Variants in BIVM observed in about 807,000 individuals in gnomAD.
BIVM encodes basic, immunoglobulin-like variable motif containing.
In BIVM, 31 loss-of-function variants were observed where a neutral mutation model predicts 61.4. The observed-to-expected ratio is 0.51, with a 90% CI of 0.38 to 0.68. The LOEUF is 0.68. Ranked by LOEUF, BIVM falls within the 30% of genes least tolerant of loss-of-function variation. The pLI is 0.00. For synonymous variants in BIVM, 189 were observed against 210.7 expected, an observed-to-expected ratio of 0.90 and a Z score of 0.89; for missense variants, 526 against 596.0, an observed-to-expected ratio of 0.88 and a Z score of 1.22.
intron 3 of BIVM, among the ~76,000 whole-genome samples, chr13:102,810,400 G>A (rs1176043220): frequency 1.3e-5 from 2 of 152,176 alleles, no homozygotes; most frequent in Non-Finnish European, 2.9e-5. Context: ...GTTTTTGTGT[G>A]TGAACCCACG....
intron 6 of BIVM, 54 bp downstream of exon 6, chr13:102,821,901 A>G (rs1399333710): frequency 1.3e-6 from 2 of 1,576,740 alleles, no homozygotes. Context: ...CAAAATAATA[A>G]TGATGTAGAT....
intron 7 of BIVM, among the ~76,000 whole-genome samples, chr13:102,823,872 CT>C (rs1309685312): frequency 6.6e-6 from 1 of 152,080 alleles, no homozygotes; most frequent in African/African-American, 2.4e-5. Context: ...TCTATTGAAA[CT>C]TTTTCCTCTG....
chr13:102,810,566 C>G (rs1191537053), intron 3 of BIVM, among the ~76,000 whole-genome samples: 2 of 152,240 alleles, frequency 1.3e-5, no homozygotes, highest in African/African-American at 4.8e-5. Context: ...TCCTATACTG[C>G]TTCGTCCACA....
chr13:102,804,092 C>T (rs540716920), intron 1 of BIVM, among the ~76,000 whole-genome samples: 3 of 152,354 alleles, frequency 2.0e-5, no homozygotes, highest in South Asian at 2.1e-4. Flanking sequence ...CCAACTGACC[C>T]TCTTGCAAAC....
At chr13:102,809,045 T>C (rs541834198) in intron 3 of BIVM, among the ~76,000 whole-genome samples, 20 of 152,310 alleles carry the variant, frequency 1.3e-4, no homozygotes, top group African/African-American at 4.1e-4. Flanking sequence ...TTCTGCTCTT[T>C]ATTATTTGCT....
intron 2 of BIVM, among the ~76,000 whole-genome samples, chr13:102,805,594 C>T (rs565004706): frequency 6.6e-6 from 1 of 152,236 alleles, no homozygotes; most frequent in African/African-American, 2.4e-5. Context: ...AGGGTATTTA[C>T]AAGTTGTGTG....
At chr13:102,817,507 C>T (rs1343670478) in intron 4 of BIVM, among the ~76,000 whole-genome samples, 3 of 152,126 alleles carry the variant, frequency 2.0e-5, no homozygotes, top group African/African-American at 7.2e-5. Flanking sequence ...TTGACGAGTT[C>T]TTTCTTTCTC....
chr13:102,822,335 C>A (rs980106003), intron 7 of BIVM, among the ~76,000 whole-genome samples, 176 bp downstream of exon 7: 2 of 152,194 alleles, frequency 1.3e-5, no homozygotes, highest in Admixed American at 1.3e-4. Flanking sequence ...TTTTAATAAG[C>A]AGTTTAATAT....
At chr13:102,826,704 T>C (rs1880696873) in intron 7 of BIVM, among the ~76,000 whole-genome samples, 1 of 152,228 alleles carries the variant, frequency 6.6e-6, no homozygotes, top group African/African-American at 2.4e-5. Context: ...GTCTCATAAT[T>C]CCTTTTACTT....
intron 7 of BIVM, 127 bp downstream of exon 7, chr13:102,822,286 C>T (rs1880346945): frequency 1.2e-6 from 1 of 836,316 alleles, no homozygotes; most frequent in South Asian, 1.9e-5. Context: ...TGTAAACCCT[C>T]AGCACAGTCT....
Position 102,807,303 on chromosome 13 carries a change from T to G in BIVM, c.36T>G (p.Asp12Glu), listed in dbSNP as rs780837796. The G allele has an allele frequency of 6.2e-7, 1 of 1,611,770 alleles. No individual in the cohort carries two copies. The highest frequency in any genetic ancestry group is 8.5e-7 in the Non-Finnish European group (1 of 1,178,074). The change falls in exon 3 of 11, where the codon GAT becomes GAG. Residue 12 changes from aspartate (D) to glutamate (E), a missense_variant. Physicochemically the swap from Asp to Glu is conservative, Grantham distance 45 (BLOSUM62 2). Transcript: ENST00000257336. This position sits in a 1 kb window ranked among gnomAD's most constrained non-coding sequence, Gnocchi z 4.0. ...TTGCAGAAACAGAAAGGTCAAATGATTCTGGAAATGGTGAGCACAAATCTG... is the reference window on the plus strand; with the variant it reads ...TTGCAGAAACAGAAAGGTCAAATGAGTCTGGAAATGGTGAGCACAAATCTG... ...PNVAETERSNDSGNGEHKSER... is the reference protein window; with the variant it reads ...PNVAETERSNESGNGEHKSER...
chr13:102,805,205 C>T (rs2296650), intron 1 of BIVM, 102 bp from the exon 2 acceptor site: 96,886 of 152,106 alleles, frequency 0.64, 34,061 homozygotes, highest in Non-Finnish European at 0.79. Flanking sequence ...TGCTGCGTGT[C>T]CTGGGATGGT....
At chr13:102,830,774 G>T (rs1321354269) in intron 7 of BIVM, among the ~76,000 whole-genome samples, 1 of 152,170 alleles carries the variant, frequency 6.6e-6, no homozygotes, top group African/African-American at 2.4e-5. Flanking sequence ...TGGGTGAAAA[G>T]GAAAAAACTC....
In BIVM at chr13:102,821,848, G is replaced by A. The variant is rs749852024; in HGVS notation, c.806+1G>A. The stretch of plus-strand genomic sequence containing the variant: ...TCACGGGGAATACAACACTTATGAG[G>A]TATGAAGACCCTCTTAGAGGCAATA... On this transcript the variant is annotated splice_donor_variant, in intron 6 of 10. Coordinates refer to ENST00000257336, the MANE Select transcript of BIVM (RefSeq NM_017693.4). LOFTEE classifies it high-confidence loss of function. 1.9e-5 allele frequency: 30 copies of A among 1,611,822 alleles called. No individual in the cohort carries two copies. Among genetic ancestry groups the A allele is most frequent in the Non-Finnish European group, 2.5e-5 (29 of 1,179,358 alleles).
chr13:102,816,965 T>C (rs1879910025), intron 4 of BIVM: 1 of 152,354 alleles, frequency 6.6e-6, no homozygotes, highest in African/African-American at 2.4e-5. Flanking sequence ...AATACTTTTG[T>C]CATACTTAAT....
At chr13:102,822,962 G>A (rs1195443186) in intron 7 of BIVM, among the ~76,000 whole-genome samples, 1 of 152,200 alleles carries the variant, frequency 6.6e-6, no homozygotes, top group Non-Finnish European at 1.5e-5. Context: ...GGGTTTGGGG[G>A]TGGGATATTA....
chr13:102,802,170 AAG>A (rs1208346961), intron 1 of BIVM, among the ~76,000 whole-genome samples: 1 of 152,226 alleles, frequency 6.6e-6, no homozygotes, highest in African/African-American at 2.4e-5. Context: ...AGAGAAACAA[AAG>A]GAGATAAAAG....
rs184728624 is a variant in BIVM, at chr13:102,812,779, A to C, written c.479-3649A>C. Among the ~76,000 whole-genome samples, 3 of 152,330 alleles carry C rather than the reference A, an allele frequency of 2.0e-5. No homozygotes were observed. The East Asian group carries it at 5.8e-4, about 29-fold the overall frequency. ...GGTGCTGGCCCCTTAAGTCCTCTGG[A>C]AGTTGCTTCTGTTGTAGTGGGAGGG... On this transcript the variant is annotated intron_variant, in intron 3 of 10. Coordinates refer to ENST00000257336, the MANE Select transcript of BIVM (RefSeq NM_017693.4).
intron 8 of BIVM, among the ~76,000 whole-genome samples, chr13:102,833,073 A>G (rs2140495539): frequency 6.6e-6 from 1 of 151,976 alleles, no homozygotes; most frequent in Non-Finnish European, 1.5e-5. Flanking sequence ...AGCCTGGGCA[A>G]CATAGTGAGA....
Sources: allele counts gnomAD v4.1 joint callset (sites outside exome capture counted in the v4.1 genomes callset), GRCh38; gene constraint gnomAD v4.1.1; non-coding constraint Gnocchi (gnomAD v3.1); transcripts MANE v1.5; gene names NCBI Gene and HGNC (gene_info 2026-07-23, HGNC 2026-07-21).